The following SPATS1 variants were observed in gnomAD, a reference collection of about 807,000 sequenced individuals.
SPATS1 encodes spermatogenesis-associated serine-rich protein 1.
A neutral mutation model predicts 33.6 loss-of-function variants in SPATS1; 23 were observed. That is an observed-to-expected ratio of 0.68 (90% confidence interval 0.49 to 0.97). The LOEUF (loss-of-function observed/expected upper bound fraction) is 0.97. Among genes scored for constraint, SPATS1 ranks in the 50% least tolerant of loss-of-function variants. The pLI is 0.00. For synonymous variants in SPATS1, 131 were observed against 125.6 expected (o/e 1.04, Z -0.29); for missense variants, 327 against 361.0 (o/e 0.91, Z 0.76).
At chr6:44,348,682 T>G (rs553025693) in intron 2 of SPATS1, among the ~76,000 whole-genome samples, 1 of 152,236 alleles carries the variant, frequency 6.6e-6, no homozygotes, top group African/African-American at 2.4e-5. Context: ...TGGAAAAAAC[T>G]CCAGAGACAG....
At chr6:44,368,836 C>T (rs1671254029) in intron 6 of SPATS1, among the ~76,000 whole-genome samples, 1 of 151,830 alleles carries the variant, frequency 6.6e-6, no homozygotes, top group Non-Finnish European at 1.5e-5. Flanking sequence ...TAAACTTAGA[C>T]CAAAGTGATG....
intron 7 of SPATS1, among the ~76,000 whole-genome samples, chr6:44,372,291 T>G (rs1415818954): frequency 6.6e-6 from 1 of 151,680 alleles, no homozygotes; most frequent in African/African-American, 2.4e-5. Flanking sequence ...CTAATTCTAT[T>G]ATTTGTGTCA....
chr6:44,350,502 T>C (rs1336613515), intron 2 of SPATS1, among the ~76,000 whole-genome samples: 1 of 152,200 alleles, frequency 6.6e-6, no homozygotes, highest in Non-Finnish European at 1.5e-5. Flanking sequence ...GTAATTCTGA[T>C]GCAGATAGGC....
At chr6:44,373,489 C>A (rs1215524765) in intron 7 of SPATS1, among the ~76,000 whole-genome samples, 1 of 152,194 alleles carries the variant, frequency 6.6e-6, no homozygotes, top group East Asian at 1.9e-4. Context: ...TATTATCTAT[C>A]ATCTATTAAT....
chr6:44,360,826 C>G (rs1455078194), intron 4 of SPATS1, among the ~76,000 whole-genome samples: 7 of 152,138 alleles, frequency 4.6e-5, no homozygotes, highest in Admixed American at 4.6e-4. Context: ...AACTCCTTCC[C>G]CAATATTTTT....
Position 44,343,158 on chromosome 6 carries a change from C to A in SPATS1, c.63C>A (p.Ser21Arg). 2.5e-6 allele frequency: 4 copies of A among 1,614,140 alleles called. No individual in the cohort carries two copies. The highest frequency in any genetic ancestry group is 3.4e-6 in the Non-Finnish European group (4 of 1,180,030). Reference protein sequence around the residue: ...PRGCRLPSISSTTCGRQLEKV... With the variant: ...PRGCRLPSISRTTCGRQLEKV... ...GCTGCCGTCTCCCCTCCATCTCAAG[C>A]ACGACCTGCGGCAGACAGCTGGAGA... The change falls in exon 2 of 9, where the codon AGC becomes AGA. Residue 21 changes from serine (S) to arginine (R), a missense_variant. Coordinates refer to ENST00000674044, the MANE Select transcript of SPATS1 (RefSeq NM_001372081.1).
intron 2 of SPATS1, among the ~76,000 whole-genome samples, chr6:44,347,737 C>T (rs1787984624): frequency 6.6e-6 from 1 of 151,984 alleles, no homozygotes; most frequent in African/African-American, 2.4e-5. Context: ...ATAACCCATC[C>T]TTTCTTCACC....
At chr6:44,369,010 C>T (rs1247329126) in intron 6 of SPATS1, among the ~76,000 whole-genome samples, 1 of 151,364 alleles carries the variant, frequency 6.6e-6, no homozygotes, top group Non-Finnish European at 1.5e-5. Flanking sequence ...CATTCTCCTG[C>T]CTCAGCCTCC....
chr6:44,372,189 G>A (rs1789666066), intron 7 of SPATS1, among the ~76,000 whole-genome samples: 3 of 150,580 alleles, frequency 2.0e-5, no homozygotes, highest in Admixed American at 6.6e-5. Context: ...GGGAGGCAAA[G>A]GTTGAAGTGA....
intron 8 of SPATS1, 24 bp from the exon 9 acceptor site, chr6:44,377,011 G>GTAAC (rs1285716223): frequency 6.2e-7 from 1 of 1,613,986 alleles, no homozygotes; most frequent in African/African-American, 1.3e-5. Flanking sequence ...AAGAAAACCT[G>GTAAC]TAACTCCATG....
intron 4 of SPATS1, chr6:44,361,335 A>T (rs1161373728): frequency 1.0e-6 from 1 of 985,308 alleles, no homozygotes; most frequent in Non-Finnish European, 1.2e-6. Context: ...CTCATTTGAA[A>T]TTATCACAGG....
At chr6:44,361,365 G>T in intron 4 of SPATS1, 6 of 985,388 alleles carry the variant, frequency 6.1e-6, no homozygotes, top group Non-Finnish European at 7.2e-6. Flanking sequence ...CGGTGTCACC[G>T]TAGCACATGC....
intron 3 of SPATS1, among the ~76,000 whole-genome samples, chr6:44,355,183 C>A (rs1161189221): frequency 1.3e-5 from 2 of 152,030 alleles, no homozygotes; most frequent in South Asian, 2.1e-4. Flanking sequence ...CCTCCCACCC[C>A]CTGGCAACCG....
Position 44,368,504 on chromosome 6 carries a change from G to A in SPATS1, c.695+5G>A. 1 of 1,609,832 alleles carries A rather than the reference G, an allele frequency of 6.2e-7. No individual in the cohort carries two copies. The highest frequency in any genetic ancestry group is 8.5e-7 in the Non-Finnish European group (1 of 1,177,660). On this transcript the variant is annotated splice_donor_5th_base_variant and intron_variant, in intron 6 of 8. Coordinates refer to ENST00000674044, the MANE Select transcript of SPATS1 (RefSeq NM_001372081.1). Reference sequence around the variant, plus strand: ...CCCACCAGTGAATTTTTCAATGTAAGTGTATGTTAATACTAGCATTATATA... The same window carrying A: ...CCCACCAGTGAATTTTTCAATGTAAATGTATGTTAATACTAGCATTATATA...
rs1561962620 is a variant in SPATS1, at chr6:44,377,203, A to G, written c.*140A>G. 6 of 1,037,658 alleles carry G rather than the reference A, an allele frequency of 5.8e-6. No individual in the cohort carries two copies. Among genetic ancestry groups the G allele is most frequent in the African/African-American group, 1.6e-5 (1 of 62,038 alleles). The allele number at this position is 1,037,658 out of a possible 1,614,324, so 64.3% of individuals were successfully genotyped here. A position where few individuals can be genotyped will look rare whatever the true frequency, so the allele number is the denominator to read the frequency against. On this transcript the variant is annotated 3_prime_UTR_variant, in exon 9 of 9. Transcript: ENST00000674044. ...TTGTGCTTTGCTTTTTTAAAACTTT[A>G]TATTTTGAAAACTTTCACATTTACA...
In SPATS1 at chr6:44,362,836, C is replaced by G. The variant is rs1198950022; in HGVS notation, c.574+844C>G. ...TGGAAATCCGTGAGGAGTCCTGCAC[C>G]TTGCACTTTTTTTTTTTTTGAGACG... On this transcript the variant is annotated intron_variant, in intron 5 of 8. Coordinates refer to ENST00000674044, the MANE Select transcript of SPATS1 (RefSeq NM_001372081.1). 2.0e-5 allele frequency among the ~76,000 whole-genome samples: 3 copies of G among 151,502 alleles called. No individual in the cohort carries two copies. In the East Asian group the frequency reaches 5.8e-4, roughly 29 times the overall value.
Position 44,377,168 on chromosome 6 carries a change from T to C in SPATS1, c.*105T>C. The C allele has an allele frequency of 1.4e-6, 2 of 1,395,978 alleles. No homozygotes were observed. The highest frequency in any genetic ancestry group is 2.0e-6 in the Non-Finnish European group (2 of 986,718). The allele number at this position is 1,395,978 out of a possible 1,614,324, so 86.5% of individuals were successfully genotyped here. A position where few individuals can be genotyped will look rare whatever the true frequency, so the allele number is the denominator to read the frequency against. On this transcript the variant is annotated 3_prime_UTR_variant, in exon 9 of 9. Transcript: ENST00000674044. The stretch of plus-strand genomic sequence containing the variant: ...TTCTAAATCCAGTGTTTGACCCTTA[T>C]GAGGAAGTGTTGTGCTTTGCTTTTT...
At chr6:44,343,328 G>T in intron 2 of SPATS1, 94 bp downstream of exon 2, 1 of 1,469,234 alleles carries the variant, frequency 6.8e-7, no homozygotes. Context: ...ACCATTTGAA[G>T]TTTAGAAGGA....
intron 5 of SPATS1, among the ~76,000 whole-genome samples, chr6:44,362,759 G>A (rs994986850): frequency 6.6e-6 from 1 of 151,986 alleles, no homozygotes; most frequent in East Asian, 1.9e-4. Flanking sequence ...TATTTGGGTA[G>A]AAAAATACGT....
Sources: gnomAD v4.1 joint callset for allele counts (sites outside exome capture counted in the v4.1 genomes callset) on GRCh38, gnomAD v4.1.1 for gene constraint, MANE v1.5 for transcripts, NCBI Gene and HGNC (gene_info 2026-07-23, HGNC 2026-07-21) for gene names.